GPC6: variants seen among roughly 807,000 people sequenced by gnomAD.
GPC6 encodes glypican-6.
A neutral mutation model predicts 55.2 loss-of-function variants in GPC6; 14 were observed. The observed-to-expected ratio is 0.25, with a 90% CI of 0.17 to 0.40. GPC6 has a LOEUF of 0.40. Ranked by LOEUF, GPC6 falls within the 10% of genes least tolerant of loss-of-function variation. GPC6 has a pLI of 1.00. For synonymous variants in GPC6, 278 were observed against 259.6 expected, an observed-to-expected ratio of 1.07 and a Z score of -0.68; for missense variants, 641 against 708.5, an observed-to-expected ratio of 0.90 and a Z score of 1.08.
intron 1 of GPC6, among the ~76,000 whole-genome samples, chr13:93,293,482 T>C (rs958756097): frequency 1.6e-4 from 24 of 148,506 alleles, no homozygotes; most frequent in African/African-American, 6.1e-4. Flanking sequence ...TTGTTGAGTG[T>C]GAGTAGAAAT....
intron 3 of GPC6, among the ~76,000 whole-genome samples, chr13:93,850,528 A>T (rs1437487396): frequency 6.6e-6 from 1 of 152,012 alleles, no homozygotes; most frequent in Non-Finnish European, 1.5e-5. Flanking sequence ...ATAAAACTCC[A>T]TAAACAACTA....
At chr13:93,835,653 G>C (rs1315048307) in intron 3 of GPC6, among the ~76,000 whole-genome samples, 1 of 152,172 alleles carries the variant, frequency 6.6e-6, no homozygotes, top group Non-Finnish European at 1.5e-5. Context: ...TTGGGAGGCT[G>C]AAGCAGGAGA....
At chr13:93,804,076 G>A (rs1416597205) in intron 2 of GPC6, among the ~76,000 whole-genome samples, 1 of 152,058 alleles carries the variant, frequency 6.6e-6, no homozygotes, top group Non-Finnish European at 1.5e-5. Flanking sequence ...GAATTGTATG[G>A]AAGTATATGA....
At chr13:93,443,644 G>A (rs1877889147) in intron 1 of GPC6, among the ~76,000 whole-genome samples, 1 of 152,128 alleles carries the variant, frequency 6.6e-6, no homozygotes, top group Non-Finnish European at 1.5e-5. Flanking sequence ...TTTTCGTGGT[G>A]GGATTGTAAA....
chr13:93,348,836 A>C (rs1880517970), intron 1 of GPC6, among the ~76,000 whole-genome samples: 1 of 152,208 alleles, frequency 6.6e-6, no homozygotes, highest in Admixed American at 6.5e-5. Flanking sequence ...ATTTCTTCTT[A>C]GTTTGGTCTT....
chr13:94,222,014 T>C (rs1890399937), intron 4 of GPC6, among the ~76,000 whole-genome samples: 1 of 151,986 alleles, frequency 6.6e-6, no homozygotes, highest in African/African-American at 2.4e-5. Flanking sequence ...GATAGGGTTT[T>C]TTTTTTGTTT....
chr13:93,254,527 A>C (rs1361984995), intron 1 of GPC6, among the ~76,000 whole-genome samples: 1 of 152,216 alleles, frequency 6.6e-6, no homozygotes, highest in Non-Finnish European at 1.5e-5. Flanking sequence ...TGGTGCAACC[A>C]GTGGTTCCAG....
chr13:93,684,481 C>A (rs1296886521), intron 2 of GPC6, among the ~76,000 whole-genome samples: 1 of 152,038 alleles, frequency 6.6e-6, no homozygotes, highest in African/African-American at 2.4e-5. Context: ...AGCTACCACG[C>A]CAAGCCTGCA....
chr13:93,324,475 C>A (rs1222574513), intron 1 of GPC6, among the ~76,000 whole-genome samples: 1 of 149,676 alleles, frequency 6.7e-6, no homozygotes, highest in Non-Finnish European at 1.5e-5. Context: ...GGGATGGAAA[C>A]CCCATTCTTT....
At chr13:93,638,098 A>G (rs1879770240) in intron 2 of GPC6, among the ~76,000 whole-genome samples, 1 of 152,168 alleles carries the variant, frequency 6.6e-6, no homozygotes, top group South Asian at 2.1e-4. Context: ...CACTGTGGAA[A>G]TAGAGTGACA....
intron 6 of GPC6, among the ~76,000 whole-genome samples, chr13:94,334,008 C>A (rs954553599): frequency 6.6e-6 from 1 of 152,146 alleles, no homozygotes; most frequent in African/African-American, 2.4e-5. Flanking sequence ...TATAGAAGAG[C>A]TCACCCTCTT....
intron 1 of GPC6, among the ~76,000 whole-genome samples, chr13:93,488,678 G>A (rs1334188396): frequency 1.3e-5 from 2 of 152,094 alleles, no homozygotes; most frequent in Admixed American, 6.5e-5. Context: ...GGTGTGAGAT[G>A]GTATCTCAGT....
chr13:93,515,406 A>T (rs1274684740), intron 1 of GPC6, among the ~76,000 whole-genome samples: 1 of 152,174 alleles, frequency 6.6e-6, no homozygotes, highest in African/African-American at 2.4e-5. Flanking sequence ...AATGCATGCT[A>T]TGTAGGGATA....
intron 3 of GPC6, among the ~76,000 whole-genome samples, chr13:93,844,990 T>C (rs1423347634): frequency 2.6e-5 from 4 of 152,082 alleles, no homozygotes; most frequent in Admixed American, 6.6e-5. Flanking sequence ...CTCTGTTCTG[T>C]TCCATTGATC....
intron 2 of GPC6, among the ~76,000 whole-genome samples, chr13:93,552,726 A>G (rs2139444562): frequency 6.6e-6 from 1 of 152,246 alleles, no homozygotes; most frequent in Non-Finnish European, 1.5e-5. Context: ...CAGCTGTTTC[A>G]CAGACAAGCC....
chr13:94,245,774 A>C (rs1392781354), intron 4 of GPC6, among the ~76,000 whole-genome samples: 1 of 151,844 alleles, frequency 6.6e-6, no homozygotes, highest in Admixed American at 6.6e-5. Context: ...CCATTCATCC[A>C]CTGATGGACA....
intron 1 of GPC6, among the ~76,000 whole-genome samples, chr13:93,367,149 G>T (rs1422126714): frequency 6.6e-6 from 1 of 151,990 alleles, no homozygotes; most frequent in African/African-American, 2.4e-5. Flanking sequence ...GTGAAAAACA[G>T]GTGCACATTC....
chr13:93,894,710 T>C (rs1875889204), intron 3 of GPC6, among the ~76,000 whole-genome samples: 1 of 152,118 alleles, frequency 6.6e-6, no homozygotes, highest in African/African-American at 2.4e-5. Flanking sequence ...GATTTGTAGC[T>C]GTTAATCAAA....
rs150615786 is a variant in GPC6 at position 94,017,414 on chromosome 13, C to T, written c.712-10315C>T. On this transcript the variant is annotated intron_variant, in intron 3 of 8. Coordinates refer to ENST00000377047, the MANE Select transcript of GPC6 (RefSeq NM_005708.5). ...ATGGCAGAAGGCAAAAGAGAAGCAA[C>T]GGTACATCTTACATGGTGGCAGGCA... Among the ~76,000 whole-genome samples the T allele has an allele frequency of 5.9e-3, 897 of 152,184 alleles. 7 individuals carry two copies. Among genetic ancestry groups the T allele is most frequent in the African/African-American group, 0.02 (833 of 41,508 alleles).
Sources: allele counts gnomAD v4.1 joint callset (sites outside exome capture counted in the v4.1 genomes callset), GRCh38; gene constraint gnomAD v4.1.1; transcripts MANE v1.5; gene names NCBI Gene and HGNC (gene_info 2026-07-23, HGNC 2026-07-21).